SREK1: variants seen among roughly 807,000 people sequenced by gnomAD.
SREK1 encodes splicing regulatory glutamic acid and lysine rich protein 1.
SREK1 carries 13 observed loss-of-function variants against 66.5 expected under a neutral mutation model. That is an observed-to-expected ratio of 0.20 (90% CI 0.13 to 0.31). The LOEUF (loss-of-function observed/expected upper bound fraction) is 0.31. Among genes scored for constraint, SREK1 ranks in the 10% least tolerant of loss-of-function variants. The pLI is 1.00. For synonymous variants in SREK1, 265 were observed against 263.5 expected (o/e 1.01, Z -0.05); for missense variants, 607 against 769.6 (o/e 0.79, Z 2.50).
intron 2 of SREK1, chr5:66,157,045 C>G: frequency 1.0e-6 from 1 of 984,096 alleles, no homozygotes. Flanking sequence ...GGAAATTAAG[C>G]AATGGAGCTT....
At chr5:66,175,144 A>G (rs1358285816) in intron 10 of SREK1, 103 bp downstream of exon 10, 2 of 893,572 alleles carry the variant, frequency 2.2e-6, no homozygotes, top group African/African-American at 1.7e-5. Flanking sequence ...ATTTTGAATG[A>G]ATAATACATA....
In SREK1 at chr5:66,180,558, A is replaced by G. The variant is rs1253198412; in HGVS notation, c.*1690A>G. On this transcript the variant is annotated 3_prime_UTR_variant, in exon 12 of 12. Transcript: ENST00000334121. The stretch of plus-strand genomic sequence containing the variant: ...GCAAGTAATGAAGCCTGATTTGATT[A>G]TGAAGCTGCTTAATCACTCTTCATG... 6.6e-6 allele frequency: 1 copy of G among 152,652 alleles called. No homozygotes were observed. Among genetic ancestry groups the G allele is most frequent in the Non-Finnish European group, 1.5e-5 (1 of 68,026 alleles). 9.5% of individuals were successfully genotyped at this position (152,652 alleles called of 1,614,324 possible).
rs150593245 is a variant in SREK1 at position 66,173,623 on chromosome 5, C to G, written c.1485-1323C>G. ...CTAGATTGCTGTCTATGGAGACTTT[C>G]CTCTCATTATCGTCAGCTAGTAGGT... On this transcript the variant is annotated intron_variant, in intron 9 of 11. Coordinates refer to ENST00000334121, the MANE Select transcript of SREK1 (RefSeq NM_001077199.3). Among the ~76,000 whole-genome samples, 148 of 152,282 alleles carry G rather than the reference C, an allele frequency of 9.7e-4. 1 individual carries two copies. Among genetic ancestry groups the G allele is most frequent in the Middle Eastern group, 3.4e-3 (1 of 294 alleles).
At chr5:66,164,221 G>A (rs897892415) in intron 6 of SREK1, 25 of 313,862 alleles carry the variant, frequency 8.0e-5, no homozygotes, top group Admixed American at 1.9e-4. Flanking sequence ...AGGCTAAAAA[G>A]AGTACATATA....
intron 1 of SREK1, among the ~76,000 whole-genome samples, chr5:66,152,163 AT>A (rs1467802921): frequency 6.6e-6 from 1 of 152,018 alleles, no homozygotes; most frequent in African/African-American, 2.4e-5. Context: ...TACATCTTTT[AT>A]TTTCAACTTT....
intron 1 of SREK1, 113 bp downstream of exon 1, chr5:66,144,650 C>G (rs1380125300): frequency 7.0e-7 from 1 of 1,428,204 alleles, no homozygotes; most frequent in Non-Finnish European, 9.2e-7. Flanking sequence ...CGTGATCGCG[C>G]CGGCTTACCT....
rs574454798 is a variant in SREK1 at position 66,150,143 on chromosome 5, C to T, written c.162-3320C>T. On this transcript the variant is annotated intron_variant, in intron 1 of 11. Transcript: ENST00000334121. ...CCAAAATTAGAGGTTGCTGGTCAGC[C>T]AGGGAAATGGGCCCTTGAGACTGGT... Among the ~76,000 whole-genome samples the T allele has an allele frequency of 2.6e-5, 4 of 152,328 alleles. No individual in the cohort carries two copies. The Middle Eastern group carries it at 0.01, about 389-fold the overall frequency.
At chr5:66,150,877 C>T (rs983256937) in intron 1 of SREK1, among the ~76,000 whole-genome samples, 1 of 152,006 alleles carries the variant, frequency 6.6e-6, no homozygotes, top group Non-Finnish European at 1.5e-5. Context: ...GTCTCACTCT[C>T]TTGCCCAGGC....
chr5:66,164,388 TAAA>T (rs999281430), intron 6 of SREK1: 1 of 345,072 alleles, frequency 2.9e-6, no homozygotes, highest in African/African-American at 2.2e-5. Flanking sequence ...TGAAAATAAT[TAAA>T]AAACCCATTC....
chr5:66,178,639 A>T (rs926229182), intron 11 of SREK1, 80 bp from the exon 12 acceptor site: 3 of 1,376,488 alleles, frequency 2.2e-6, no homozygotes, highest in Non-Finnish European at 2.9e-6. Flanking sequence ...TTTGCAAAAG[A>T]TAAAGTTTCA....
chr5:66,155,621 T>C (rs1310776509), intron 2 of SREK1, among the ~76,000 whole-genome samples: 1 of 152,238 alleles, frequency 6.6e-6, no homozygotes, highest in East Asian at 1.9e-4. Flanking sequence ...ACTGAATGCA[T>C]CCTTTCCTTG....
At position 66,170,901 on chromosome 5, in the gene SREK1, C is replaced by T. The variant is rs1201244798; in HGVS notation, c.1438C>T (p.Pro480Ser). The change falls in exon 9 of 12, where the codon CCA (proline) becomes TCA (serine). Residue 480 changes from proline (P) to serine (S), a missense_variant. This residue lies in a region of SREK1 where 318 missense variants were observed against 310.3 expected (regional missense o/e 1.02). Coordinates refer to ENST00000334121, the MANE Select transcript of SREK1 (RefSeq NM_001077199.3). ...KRKKDKKSRT[P>S]PRSYNASRRS... The stretch of plus-strand genomic sequence containing the variant: ...AAAGAAGGATAAAAAATCCAGAACA[C>T]CACCCAGGAGTTACAATGCATCGCG... 7 of 1,613,086 alleles carry T rather than the reference C, an allele frequency of 4.3e-6. No homozygotes were observed. The highest frequency in any genetic ancestry group is 5.9e-6 in the Non-Finnish European group (7 of 1,179,812).
chr5:66,169,954 T>A (rs767338855), intron 7 of SREK1, 97 bp from the exon 8 acceptor site: 55 of 1,005,586 alleles, frequency 5.5e-5, no homozygotes, highest in East Asian at 8.9e-5. Flanking sequence ...GAGAAATTTT[T>A]AAAATATTGT....
At chr5:66,174,803 T>A in intron 9 of SREK1, 143 bp from the exon 10 acceptor site, 1 of 609,970 alleles carries the variant, frequency 1.6e-6, no homozygotes. Context: ...TAATTGAACA[T>A]GCTCATAAAG....
At chr5:66,145,843 C>T (rs1743145454) in intron 1 of SREK1, among the ~76,000 whole-genome samples, 1 of 149,986 alleles carries the variant, frequency 6.7e-6, no homozygotes, top group South Asian at 2.1e-4. Context: ...TAATAGTTAT[C>T]TCCTTTAATC....
intron 2 of SREK1, chr5:66,158,355 C>T (rs903423352): frequency 4.6e-5 from 7 of 152,096 alleles, no homozygotes; most frequent in African/African-American, 1.4e-4. Context: ...AGGCATTAAC[C>T]TCCCCCTTCA....
intron 1 of SREK1, among the ~76,000 whole-genome samples, chr5:66,152,066 C>T (rs919556189): frequency 1.3e-5 from 2 of 152,084 alleles, no homozygotes; most frequent in South Asian, 2.1e-4. Context: ...AGGATAGTCT[C>T]GATCTCCTGA....
chr5:66,167,737 G>C (rs1252541883), intron 7 of SREK1: 1 of 152,186 alleles, frequency 6.6e-6, no homozygotes, highest in Admixed American at 6.5e-5. Flanking sequence ...TTATTTATGA[G>C]AGTTATACTT....
intron 6 of SREK1, chr5:66,164,351 C>T (rs1011698284): frequency 3.1e-6 from 1 of 320,238 alleles, no homozygotes; most frequent in South Asian, 2.7e-5. Context: ...GGTAAAAGAA[C>T]ATCTATTTAA....
Sources: allele counts gnomAD v4.1 joint callset (sites outside exome capture counted in the v4.1 genomes callset), GRCh38; gene constraint gnomAD v4.1.1; regional missense constraint gnomAD v4.1.1; transcripts MANE v1.5; gene names NCBI Gene and HGNC (gene_info 2026-07-23, HGNC 2026-07-21).